Variants in SGCD observed in about 807,000 individuals in gnomAD.
SGCD encodes delta-sarcoglycan.
Under a neutral mutation model 36.6 loss-of-function variants are expected in SGCD, and 18 were observed. The ratio of observed to expected loss-of-function variants is 0.49; its 90% CI spans 0.34 to 0.73. The LOEUF (loss-of-function observed/expected upper bound fraction) is 0.73. Among genes scored for constraint, SGCD ranks in the 30% least tolerant of loss-of-function variants. The pLI is 0.01. For missense variants in SGCD, 387 were observed against 346.7 expected (o/e 1.12, Z -0.92); for synonymous variants, 133 against 130.6 (o/e 1.02, Z -0.12).
the SGCD span, among the ~76,000 whole-genome samples, chr5:155,778,648 A>G: frequency 6.8e-6 from 1 of 146,676 alleles, no homozygotes; most frequent in African/African-American, 2.5e-5. Context: ...TGCATTTGGA[A>G]CAGTTTTGGT....
intron 2 of SGCD, among the ~76,000 whole-genome samples, chr5:156,331,849 C>T (rs1768081055): frequency 6.6e-6 from 1 of 152,164 alleles, no homozygotes; most frequent in African/African-American, 2.4e-5. Flanking sequence ...GAAAATTGTT[C>T]CAGGATAAGG....
intron 3 of SGCD, among the ~76,000 whole-genome samples, chr5:156,246,175 A>C (rs978379594): frequency 6.6e-6 from 1 of 152,196 alleles, no homozygotes; most frequent in Non-Finnish European, 1.5e-5. Context: ...CCATCCACTA[A>C]GCATAATTCA....
At chr5:156,216,183 G>A (rs942834060) in intron 3 of SGCD, among the ~76,000 whole-genome samples, 1 of 152,140 alleles carries the variant, frequency 6.6e-6, no homozygotes, top group Non-Finnish European at 1.5e-5. Context: ...GAGAGTAGTC[G>A]AGGAAATGTT....
At chr5:156,024,651 A>T (rs1294296331) in intron 1 of SGCD, among the ~76,000 whole-genome samples, 1 of 151,970 alleles carries the variant, frequency 6.6e-6, no homozygotes, top group African/African-American at 2.4e-5. Flanking sequence ...CCCTGTAATA[A>T]TTTTTCTGTG....
chr5:156,282,425 C>T (rs1374414815), intron 3 of SGCD, among the ~76,000 whole-genome samples: 2 of 152,122 alleles, frequency 1.3e-5, no homozygotes, highest in Non-Finnish European at 2.9e-5. Flanking sequence ...GTGATGGGCA[C>T]TCAAATAGTT....
chr5:156,332,460 G>A (rs1768115454), intron 2 of SGCD, among the ~76,000 whole-genome samples: 1 of 152,114 alleles, frequency 6.6e-6, no homozygotes, highest in South Asian at 2.1e-4. Context: ...CCCGCTATCT[G>A]ACCTGTACAT....
intron 4 of SGCD, among the ~76,000 whole-genome samples, chr5:156,520,799 C>T (rs989144912): frequency 5.3e-5 from 8 of 151,844 alleles, no homozygotes; most frequent in South Asian, 2.1e-4. Flanking sequence ...GGGTGGATCA[C>T]GAGGTCAGGA....
intron 3 of SGCD, among the ~76,000 whole-genome samples, chr5:156,477,940 G>A (rs779182226): frequency 3.3e-5 from 5 of 152,020 alleles, no homozygotes; most frequent in Non-Finnish European, 1.5e-5. Flanking sequence ...TGGAATCTCT[G>A]GATCAAACTG....
chr5:155,937,139 C>T (rs911817657), intron 1 of SGCD, among the ~76,000 whole-genome samples: 1 of 152,178 alleles, frequency 6.6e-6, no homozygotes, highest in Non-Finnish European at 1.5e-5. Context: ...CTCCCAGCCC[C>T]AAAGAGCACA....
intron 5 of SGCD, 97 bp from the exon 6 acceptor site, chr5:156,594,835 A>C: frequency 1.3e-6 from 1 of 798,776 alleles, no homozygotes; most frequent in Non-Finnish European, 2.0e-6. Context: ...GTGTTCTATG[A>C]AAAGCTTTTT....
intron 3 of SGCD, among the ~76,000 whole-genome samples, chr5:156,130,880 C>T (rs1158837480): frequency 6.6e-6 from 1 of 152,102 alleles, no homozygotes; most frequent in African/African-American, 2.4e-5. Flanking sequence ...GAGCCCACCA[C>T]CATGCCTGGC....
chr5:155,766,895 G>C, the SGCD span, among the ~76,000 whole-genome samples: 1 of 152,054 alleles, frequency 6.6e-6, no homozygotes, highest in South Asian at 2.1e-4. Flanking sequence ...GATGCTCTTA[G>C]TGGATCTGAC....
intron 3 of SGCD, among the ~76,000 whole-genome samples, chr5:156,483,954 G>A (rs1321055928): frequency 6.6e-6 from 1 of 152,188 alleles, no homozygotes; most frequent in African/African-American, 2.4e-5. Context: ...AAAGGTTTCA[G>A]GATTTGAAGG....
intron 3 of SGCD, among the ~76,000 whole-genome samples, chr5:156,125,491 T>C (rs1482368861): frequency 1.3e-5 from 2 of 152,096 alleles, no homozygotes; most frequent in African/African-American, 2.4e-5. Flanking sequence ...TGAGCTGTGA[T>C]GTTCACATTG....
intron 3 of SGCD, among the ~76,000 whole-genome samples, chr5:156,356,305 G>T (rs1769487825): frequency 6.6e-6 from 1 of 152,076 alleles, no homozygotes; most frequent in African/African-American, 2.4e-5. Context: ...CAACAGCTGG[G>T]ACTGGAATTA....
intron 3 of SGCD, among the ~76,000 whole-genome samples, chr5:156,433,687 A>G (rs998510356): frequency 3.3e-5 from 5 of 152,190 alleles, no homozygotes; most frequent in African/African-American, 1.2e-4. Context: ...ATATTAGGCA[A>G]AAAAGTCTTT....
chr5:155,875,533 A>G (rs1755746329), intron 1 of SGCD, among the ~76,000 whole-genome samples: 2 of 152,138 alleles, frequency 1.3e-5, no homozygotes, highest in Non-Finnish European at 2.9e-5. Flanking sequence ...ACTCATGTAA[A>G]ACTTGTGATG....
chr5:156,120,793 C>T (rs937044902), intron 2 of SGCD, among the ~76,000 whole-genome samples: 44 of 152,214 alleles, frequency 2.9e-4, no homozygotes, highest in African/African-American at 1.0e-3. Context: ...AGACTTGAGA[C>T]TAGAATTATC....
At chr5:156,618,942 T>C (rs531262808) in intron 6 of SGCD, among the ~76,000 whole-genome samples, 7 of 152,104 alleles carry the variant, frequency 4.6e-5, no homozygotes, top group Admixed American at 4.6e-4. Flanking sequence ...AATAAGTAAG[T>C]TGGGGATGTT....
Sources: allele counts gnomAD v4.1 joint callset (sites outside exome capture counted in the v4.1 genomes callset), GRCh38; gene constraint gnomAD v4.1.1; transcripts MANE v1.5; gene names NCBI Gene and HGNC (gene_info 2026-07-23, HGNC 2026-07-21).